The following SDK2 variants were observed in gnomAD, a reference collection of about 807,000 sequenced individuals.
SDK2 encodes sidekick cell adhesion molecule 2.
Under a neutral mutation model 253.9 loss-of-function variants are expected in SDK2, and 105 were observed. The ratio of observed to expected loss-of-function variants is 0.41; its 90% CI spans 0.35 to 0.49. SDK2 has a LOEUF of 0.49. SDK2 is among the 20% of genes least tolerant of loss of function. The probability of loss-of-function intolerance (pLI) is 0.06; values close to 1 mark genes in which losing one functional copy is unlikely to be tolerated. For synonymous variants in SDK2, 1,249 were observed against 1,234.9 expected (o/e 1.01, Z -0.24); for missense variants, 2,608 against 3,003.0 (o/e 0.87, Z 3.07).
chr17:73,400,951 A>G, intron 21 of SDK2, 69 bp downstream of exon 21: 1 of 1,451,626 alleles, frequency 6.9e-7, no homozygotes, highest in Non-Finnish European at 9.3e-7. Context: ...CCCAGCCGAC[A>G]AGGGGCCTCT....
chr17:73,538,404 A>AT (rs1298818205), intron 1 of SDK2, among the ~76,000 whole-genome samples: 1 of 152,124 alleles, frequency 6.6e-6, no homozygotes, highest in Non-Finnish European at 1.5e-5. Context: ...GTCTCCTTTT[A>AT]AATGGATCAT....
intron 1 of SDK2, among the ~76,000 whole-genome samples, chr17:73,549,897 C>G (rs1012826136): frequency 6.6e-6 from 1 of 152,110 alleles, no homozygotes; most frequent in African/African-American, 2.4e-5. Context: ...TGGGGAACGC[C>G]AAGTGGGACC....
Position 73,411,134 on chromosome 17 carries a change from C to T in SDK2, c.2484+3510G>A, listed in dbSNP as rs77373436. 3.0e-3 allele frequency among the ~76,000 whole-genome samples: 452 copies of T among 152,204 alleles called. 2 individuals are homozygous for T. Among genetic ancestry groups the T allele is most frequent in the African/African-American group, 0.01 (431 of 41,540 alleles). On this transcript the variant is annotated intron_variant, in intron 18 of 44. Coordinates refer to ENST00000392650, the MANE Select transcript of SDK2 (RefSeq NM_001144952.2). Reference sequence around the variant, plus strand: ...GAGTGCTCCAAGAATTCAGCTGCTGCTCCCTGCCCTGCAAAGCTCTGCTCG... The same window carrying T: ...GAGTGCTCCAAGAATTCAGCTGCTGTTCCCTGCCCTGCAAAGCTCTGCTCG...
chr17:73,421,547 A>G (rs1030754934), intron 15 of SDK2, among the ~76,000 whole-genome samples: 1 of 141,576 alleles, frequency 7.1e-6, no homozygotes, highest in African/African-American at 2.6e-5. Context: ...TATATGAAGC[A>G]TCTGCAGCTT....
At chr17:73,345,703 T>C (rs191666971) in intron 44 of SDK2, among the ~76,000 whole-genome samples, 7 of 152,216 alleles carry the variant, frequency 4.6e-5, no homozygotes, top group African/African-American at 1.7e-4. Flanking sequence ...GGGATGCATT[T>C]TGGGCTTGTT....
chr17:73,394,405 C>T (rs1363760399), intron 25 of SDK2, 81 bp from the exon 26 acceptor site: 16 of 845,686 alleles, frequency 1.9e-5, no homozygotes, highest in South Asian at 7.4e-5. Context: ...GACAGGGGGC[C>T]GAGGGAGGGG....
chr17:73,641,337 T>G (rs1460888481), intron 1 of SDK2, among the ~76,000 whole-genome samples: 2 of 152,226 alleles, frequency 1.3e-5, no homozygotes, highest in Non-Finnish European at 2.9e-5. Context: ...TTATTGCCAG[T>G]GTACAGATGA....
At chr17:73,459,063 A>G (rs2063547772) in intron 3 of SDK2, among the ~76,000 whole-genome samples, 1 of 152,160 alleles carries the variant, frequency 6.6e-6, no homozygotes, top group African/African-American at 2.4e-5. Flanking sequence ...CATGCCCTGC[A>G]AACCCAATCA....
Position 73,348,733 on chromosome 17 carries a change from G to A in SDK2, c.6039-8C>T, listed in dbSNP as rs1328053709. On this transcript the variant is annotated splice_region_variant and splice_polypyrimidine_tract_variant and intron_variant, in intron 43 of 44. Transcript: ENST00000392650. ...CTGGGCCTGGGGGGAGACCTGGAGA[G>A]AGCGGGGGAGTGGGGCCGAGAGGTG... 2 of 1,602,890 alleles carry A rather than the reference G, an allele frequency of 1.2e-6. No homozygotes were observed. The highest frequency in any genetic ancestry group is 1.7e-5 in the Admixed American group (1 of 59,936).
At chr17:73,510,694 A>G (rs1471672999) in intron 1 of SDK2, among the ~76,000 whole-genome samples, 1 of 152,064 alleles carries the variant, frequency 6.6e-6, no homozygotes, top group African/African-American at 2.4e-5. Context: ...GGGTTTCACC[A>G]TGCTGGCCAG....
chr17:73,381,906 AC>A, intron 33 of SDK2, among the ~76,000 whole-genome samples: 1 of 148,096 alleles, frequency 6.8e-6, no homozygotes, highest in South Asian at 2.2e-4. Flanking sequence ...AAAACAAAAA[AC>A]AAAAAAACAA....
In SDK2 at chr17:73,612,709, G is replaced by C. The variant is rs2045992519; in HGVS notation, c.64+31316C>G. On this transcript the variant is annotated intron_variant, in intron 1 of 44. Coordinates refer to ENST00000392650, the MANE Select transcript of SDK2 (RefSeq NM_001144952.2). The surrounding 1 kb of genome is among the most constrained non-coding windows in gnomAD (Gnocchi z 4.4). Reference sequence around the variant, plus strand: ...CCAGGCGGGCAGATCACAAGGTCAAGACTTTGAGACAAGCCTGACCAACAT... The same window carrying C: ...CCAGGCGGGCAGATCACAAGGTCAACACTTTGAGACAAGCCTGACCAACAT... 1.3e-5 allele frequency among the ~76,000 whole-genome samples: 2 copies of C among 152,162 alleles called. No homozygotes were observed. The highest frequency in any genetic ancestry group is 1.3e-4 in the Admixed American group (2 of 15,274).
intron 30 of SDK2, among the ~76,000 whole-genome samples, chr17:73,387,625 A>C (rs2062883514): frequency 6.6e-6 from 1 of 152,198 alleles, no homozygotes; most frequent in Non-Finnish European, 1.5e-5. Context: ...AACCTAACAG[A>C]GTTCCAGAGG....
intron 14 of SDK2, 84 bp from the exon 15 acceptor site, chr17:73,422,518 A>G: frequency 6.7e-7 from 1 of 1,483,650 alleles, no homozygotes; most frequent in Non-Finnish European, 9.3e-7. Flanking sequence ...AGCAGGGTCC[A>G]GCTTCACTGG....
At chr17:73,533,344 G>A in intron 1 of SDK2, among the ~76,000 whole-genome samples, 1 of 152,248 alleles carries the variant, frequency 6.6e-6, no homozygotes, top group Admixed American at 6.5e-5. Context: ...TCAGAGGCAG[G>A]CTGCCGAGCC....
At chr17:73,637,846 G>A (rs1681004734) in intron 1 of SDK2, among the ~76,000 whole-genome samples, 1 of 152,234 alleles carries the variant, frequency 6.6e-6, no homozygotes, top group African/African-American at 2.4e-5. Context: ...CAGCTGATGG[G>A]GCTTCAGCAG....
In SDK2 at chr17:73,534,836, C is replaced by A. The variant is rs1390920056; in HGVS notation, c.65-27239G>T. Reference sequence around the variant, plus strand: ...AGTAGGCTGGGGGCAGCGGGCCGGGCTCCCTGGACTCCTTTGCATCTTCTA... The same window carrying A: ...AGTAGGCTGGGGGCAGCGGGCCGGGATCCCTGGACTCCTTTGCATCTTCTA... On this transcript the variant is annotated intron_variant, in intron 1 of 44. Coordinates refer to ENST00000392650, the MANE Select transcript of SDK2 (RefSeq NM_001144952.2). This position sits in a 1 kb window ranked among gnomAD's most constrained non-coding sequence, Gnocchi z 4.9. 1.3e-5 allele frequency among the ~76,000 whole-genome samples: 2 copies of A among 152,174 alleles called. No individual in the cohort carries two copies. Among genetic ancestry groups the A allele is most frequent in the Non-Finnish European group, 2.9e-5 (2 of 68,032 alleles).
intron 1 of SDK2, among the ~76,000 whole-genome samples, chr17:73,539,062 G>A (rs1046620617): frequency 6.6e-6 from 1 of 152,196 alleles, no homozygotes; most frequent in African/African-American, 2.4e-5. Context: ...TCAGGAGAAG[G>A]CTGGAGAAAG....
intron 3 of SDK2, among the ~76,000 whole-genome samples, chr17:73,460,986 G>A (rs542122869): frequency 6.6e-6 from 1 of 152,280 alleles, no homozygotes; most frequent in Admixed American, 6.5e-5. Context: ...CATGGAGATC[G>A]AGTGGCTTAT....
Sources: gnomAD v4.1 joint callset for allele counts (sites outside exome capture counted in the v4.1 genomes callset) on GRCh38, gnomAD v4.1.1 for gene constraint, Gnocchi (gnomAD v3.1) non-coding constraint, MANE v1.5 for transcripts, NCBI Gene and HGNC (gene_info 2026-07-23, HGNC 2026-07-21) for gene names.